Variants in SCAP observed in about 807,000 individuals in gnomAD.
SCAP encodes sterol regulatory element-binding protein cleavage-activating protein.
Under a neutral mutation model 123.6 loss-of-function variants are expected in SCAP, and 65 were observed. The ratio of observed to expected loss-of-function variants is 0.53; its 90% CI spans 0.43 to 0.65. The LOEUF is 0.65. SCAP is among the 30% of genes least tolerant of loss of function. The pLI, the probability that SCAP is intolerant of heterozygous loss-of-function variation, is 0.00. For missense variants in SCAP, 1,398 were observed against 1,712.5 expected, an observed-to-expected ratio of 0.82 and a Z score of 3.24; for synonymous variants, 740 against 726.3, an observed-to-expected ratio of 1.02 and a Z score of -0.30.
At chr3:47,418,024 A>C in intron 16 of SCAP, 110 bp downstream of exon 16, 1 of 487,682 alleles carries the variant, frequency 2.1e-6, no homozygotes, top group Non-Finnish European at 3.6e-6. Flanking sequence ...GGGGGCCTGG[A>C]GGGGTTGGGG....
At position 47,425,489 on chromosome 3, in the gene SCAP, C is replaced by T. The variant is rs1226690446; in HGVS notation, c.1033G>A (p.Gly345Ser). 1.2e-6 allele frequency: 2 copies of T among 1,613,632 alleles called. No individual in the cohort carries two copies. The highest frequency in any genetic ancestry group is 1.7e-6 in the Non-Finnish European group (2 of 1,180,008). The change falls in exon 8 of 23, where the codon GGC becomes AGC. Residue 345 changes from glycine to serine, a missense_variant. Around this residue, in one of 7 missense-constraint regions of SCAP, gnomAD observed 319 missense variants for 432.4 expected, o/e 0.74. Transcript: ENST00000265565. Reference sequence around the variant, plus strand: ...TGGAGCCTGCTAGGGACCTACCCGCCATTGAGGGTGGGCGTCAGGCCGAAG... The same window carrying T: ...TGGAGCCTGCTAGGGACCTACCCGCTATTGAGGGTGGGCGTCAGGCCGAAG... ...TLFGLTPTLNGGEIFPYLVVV... is the reference protein window; with the variant it reads ...TLFGLTPTLNSGEIFPYLVVV...
chr3:47,470,167 A>G (rs1707977522), intron 1 of SCAP, among the ~76,000 whole-genome samples: 1 of 152,218 alleles, frequency 6.6e-6, no homozygotes, highest in African/African-American at 2.4e-5. Flanking sequence ...ATCAAGAGCT[A>G]GCCTTAAGAG....
In SCAP at chr3:47,437,585, A is replaced by C. The variant is rs114541375; in HGVS notation, c.123-2448T>G. Among the ~76,000 whole-genome samples the C allele has an allele frequency of 4.3e-3, 651 of 152,076 alleles. 5 individuals are homozygous for C. The highest frequency in any genetic ancestry group is 0.015 in the African/African-American group (613 of 41,484). On this transcript the variant is annotated intron_variant, in intron 2 of 22. Coordinates refer to ENST00000265565, the MANE Select transcript of SCAP (RefSeq NM_012235.4). ...GTGAAACGCCATCCCTAAAAAAAAAAAAATACAAAAGTTAGCCAGGCATGC... is the reference window on the plus strand; with the variant it reads ...GTGAAACGCCATCCCTAAAAAAAAACAAATACAAAAGTTAGCCAGGCATGC...
At chr3:47,447,675 C>T (rs1361713139) in intron 1 of SCAP, among the ~76,000 whole-genome samples, 23 of 141,330 alleles carry the variant, frequency 1.6e-4, no homozygotes, top group Admixed American at 1.2e-3. Flanking sequence ...GGCAATACAG[C>T]GAGACTCTGA....
chr3:47,417,222 G>A lies in SCAP; in HGVS notation c.2971-15C>T, dbSNP rs1475579731. ...GCGTCCCACACCTACGAGTCCAGAGGCTGTGAGCACCTGCCAGCCAGAAAG... is the reference window on the plus strand; with the variant it reads ...GCGTCCCACACCTACGAGTCCAGAGACTGTGAGCACCTGCCAGCCAGAAAG... On this transcript the variant is annotated splice_polypyrimidine_tract_variant and intron_variant, in intron 17 of 22. Transcript: ENST00000265565. 1.2e-6 allele frequency: 2 copies of A among 1,612,702 alleles called. No homozygotes were observed. Among genetic ancestry groups the A allele is most frequent in the African/African-American group, 2.7e-5 (2 of 74,930 alleles).
rs1354001085 is a variant in SCAP at position 47,421,033 on chromosome 3, G to C, written c.1246-4C>G. The C allele has an allele frequency of 6.2e-7, 1 of 1,611,970 alleles. No individual in the cohort carries two copies. ...CGACAGCAAAGAGACAGAACTCCTG[G>C]AATCAGAGCACATGGGGATGGGGGG... On this transcript the variant is annotated splice_region_variant and splice_polypyrimidine_tract_variant and intron_variant, in intron 10 of 22. Coordinates refer to ENST00000265565, the MANE Select transcript of SCAP (RefSeq NM_012235.4).
intron 1 of SCAP, among the ~76,000 whole-genome samples, chr3:47,465,663 G>A (rs999035254): frequency 1.3e-5 from 2 of 151,974 alleles, no homozygotes; most frequent in Non-Finnish European, 2.9e-5. Flanking sequence ...CACCTACTTA[G>A]CAGGCTGAGG....
At position 47,472,205 on chromosome 3, in the gene SCAP, G is replaced by C. The variant is rs575280858; in HGVS notation, c.-99+3594C>G. Among the ~76,000 whole-genome samples, 3 of 151,656 alleles carry C rather than the reference G, an allele frequency of 2.0e-5. No homozygotes were observed. The East Asian group carries it at 5.8e-4, about 29-fold the overall frequency. Reference sequence around the variant, plus strand: ...TCCCAGCACTTTGGGAGGCCGAGGCGAGTGGATCATGAGGTCAGGAGATCG... The same window carrying C: ...TCCCAGCACTTTGGGAGGCCGAGGCCAGTGGATCATGAGGTCAGGAGATCG... On this transcript the variant is annotated intron_variant, in intron 1 of 22. Transcript: ENST00000265565.
rs757342318 is a variant in SCAP at position 47,424,013 on chromosome 3, C to T, written c.1070G>A (p.Gly357Glu). The change falls in exon 9 of 23, where the codon GGG (glycine) becomes GAG (glutamate). Residue 357 changes from glycine (G) to glutamate (E), a missense_variant. Gly to Glu is a moderately conservative substitution (Grantham distance 98, BLOSUM62 -2). Around this residue, in one of 7 missense-constraint regions of SCAP, gnomAD observed 9 missense variants for 32.8 expected, o/e 0.27. Transcript: ENST00000265565. ...EIFPYLVVVI[G>E]LENVLVLTKS... ...GGTGAGCACCAACACATTCTCTAAC[C>T]CAATAACCACCACAAGGTAGGGGAA... is the stretch of plus-strand genomic sequence containing the variant. The T allele has an allele frequency of 2.5e-6, 4 of 1,614,128 alleles. No individual in the cohort carries two copies. The highest frequency in any genetic ancestry group is 3.4e-6 in the Non-Finnish European group (4 of 1,179,984).
intron 8 of SCAP, among the ~76,000 whole-genome samples, chr3:47,424,615 C>T (rs1706042353): frequency 6.6e-6 from 1 of 152,206 alleles, no homozygotes; most frequent in South Asian, 2.1e-4. Context: ...GAACGCCAGC[C>T]AAGTTATACC....
At chr3:47,434,227 C>G (rs1287239296) in intron 3 of SCAP, among the ~76,000 whole-genome samples, 1 of 152,224 alleles carries the variant, frequency 6.6e-6, no homozygotes, top group Non-Finnish European at 1.5e-5. Flanking sequence ...GGGAGGAGAG[C>G]TCTGTTCGCT....
chr3:47,458,111 A>T (rs921767941), intron 1 of SCAP, among the ~76,000 whole-genome samples: 5 of 152,146 alleles, frequency 3.3e-5, no homozygotes, highest in African/African-American at 9.7e-5. Flanking sequence ...AACATGGTGA[A>T]ACCCCGTCTC....
chr3:47,451,495 T>C (rs1707231827), intron 1 of SCAP, among the ~76,000 whole-genome samples: 1 of 109,940 alleles, frequency 9.1e-6, no homozygotes. Flanking sequence ...CCTCCCAGGC[T>C]CAATCAATTC....
At chr3:47,454,242 C>G (rs1292341230) in intron 1 of SCAP, among the ~76,000 whole-genome samples, 4 of 152,036 alleles carry the variant, frequency 2.6e-5, no homozygotes, top group Non-Finnish European at 4.4e-5. Flanking sequence ...TGGCGGGCAC[C>G]TGTAGTCCCA....
chr3:47,438,422 G>A lies in SCAP; in HGVS notation c.123-3285C>T, dbSNP rs1021598768. Among the ~76,000 whole-genome samples, 46 of 11,262 alleles carry A rather than the reference G, an allele frequency of 4.1e-3. No homozygotes were observed. In the Non-Finnish European group the frequency reaches 0.099, roughly 24 times the overall value. The allele number at this position is 11,262 out of a possible 152,430, so 7.4% of individuals were successfully genotyped here. Reference sequence around the variant, plus strand: ...ATGCTCTAAGTAGGAAGAGAGAAACGACTACAAGTGATCAGAATTCATTTA... The same window carrying A: ...ATGCTCTAAGTAGGAAGAGAGAAACAACTACAAGTGATCAGAATTCATTTA... On this transcript the variant is annotated intron_variant, in intron 2 of 22. Coordinates refer to ENST00000265565, the MANE Select transcript of SCAP (RefSeq NM_012235.4).
At chr3:47,457,571 T>G (rs1707474453) in intron 1 of SCAP, among the ~76,000 whole-genome samples, 1 of 152,154 alleles carries the variant, frequency 6.6e-6, no homozygotes, top group South Asian at 2.1e-4. Context: ...TGGGATAATG[T>G]TTTTCTGAAA....
chr3:47,439,488 G>C lies in SCAP; in HGVS notation c.122+3384C>G, dbSNP rs545359214. 6.6e-6 allele frequency among the ~76,000 whole-genome samples: 1 copy of C among 152,302 alleles called. No homozygotes were observed. The highest frequency in any genetic ancestry group is 1.9e-4 in the East Asian group (1 of 5,180). On this transcript the variant is annotated intron_variant, in intron 2 of 22. Coordinates refer to ENST00000265565, the MANE Select transcript of SCAP (RefSeq NM_012235.4). This position sits in a 1 kb window ranked among gnomAD's most constrained non-coding sequence, Gnocchi z 4.0. ...CTCTCACCATGAGCAGCAGCTTGTTGAATCAAATGTCTCAATGATTCACAT... is the reference window on the plus strand; with the variant it reads ...CTCTCACCATGAGCAGCAGCTTGTTCAATCAAATGTCTCAATGATTCACAT...
At chr3:47,426,230 C>T (rs375462057) in intron 6 of SCAP, 61 bp from the exon 7 acceptor site, 2 of 1,528,924 alleles carry the variant, frequency 1.3e-6, no homozygotes. Flanking sequence ...GGGACAAAGA[C>T]AATCCCCGGA....
rs1308737436 is a variant in SCAP, at chr3:47,417,023, A to G, written c.3056+99T>C. On this transcript the variant is annotated intron_variant, in intron 18 of 22. Coordinates refer to ENST00000265565, the MANE Select transcript of SCAP (RefSeq NM_012235.4). ...ACCAAGAAGGTCAATCGAATCATAC[A>G]GTACAGCAGTTGAAGAGAACCAGAA... 7.9e-6 allele frequency: 8 copies of G among 1,016,914 alleles called. No homozygotes were observed. In the African/African-American group the frequency reaches 9.6e-5, roughly 12 times the overall value. 63.0% of individuals were successfully genotyped at this position (1,016,914 alleles called of 1,614,324 possible).
Sources: gnomAD v4.1 joint callset for allele counts (sites outside exome capture counted in the v4.1 genomes callset) on GRCh38, gnomAD v4.1.1 for gene constraint, gnomAD v4.1.1 regional missense constraint, Gnocchi (gnomAD v3.1) non-coding constraint, MANE v1.5 for transcripts, NCBI Gene and HGNC (gene_info 2026-07-23, HGNC 2026-07-21) for gene names.